Variants in CYTH4 observed in about 807,000 individuals in gnomAD.
CYTH4 encodes cytohesin 4.
In CYTH4, 22 loss-of-function variants were observed where a neutral mutation model predicts 57.5. The ratio of observed to expected loss-of-function variants is 0.38; its 90% confidence interval spans 0.27 to 0.55. The LOEUF (loss-of-function observed/expected upper bound fraction) is 0.55, where lower values mean the gene tolerates loss of function less well. Ranked by LOEUF, CYTH4 falls within the 20% of genes least tolerant of loss-of-function variation. The pLI, the probability that CYTH4 is intolerant of heterozygous loss-of-function variation, is 0.74. For missense variants in CYTH4, 420 were observed against 535.6 expected (o/e 0.78, Z 2.13); for synonymous variants, 186 against 206.5 (o/e 0.90, Z 0.85).
rs186828281 is a variant in CYTH4, at chr22:37,308,747, T to C, written c.697-465T>C. Reference sequence around the variant, plus strand: ...GTGTATGTATGAGTATGCATGCATGTGTGTGCATGTATGTGTGAGCGTGCC... The same window carrying C: ...GTGTATGTATGAGTATGCATGCATGCGTGTGCATGTATGTGTGAGCGTGCC... On this transcript the variant is annotated intron_variant, in intron 8 of 12. Coordinates refer to ENST00000248901, the MANE Select transcript of CYTH4 (RefSeq NM_013385.5). 5.4e-3 allele frequency among the ~76,000 whole-genome samples: 819 copies of C among 151,852 alleles called. 6 individuals carry two copies. The highest frequency in any genetic ancestry group is 0.019 in the African/African-American group (768 of 41,336).
chr22:37,289,809 T>C (rs769991376), intron 1 of CYTH4, among the ~76,000 whole-genome samples: 19 of 152,228 alleles, frequency 1.2e-4, no homozygotes, highest in Non-Finnish European at 2.9e-5. Flanking sequence ...CAGGAACTGT[T>C]TTCTGCATAG....
At chr22:37,288,152 C>T (rs1398971257) in intron 1 of CYTH4, among the ~76,000 whole-genome samples, 4 of 152,244 alleles carry the variant, frequency 2.6e-5, no homozygotes, top group East Asian at 3.9e-4. Context: ...CGGTGGCTCA[C>T]GCCTGTAATC....
At chr22:37,284,086 G>A (rs4821626) in intron 1 of CYTH4, among the ~76,000 whole-genome samples, 49,106 of 152,062 alleles carry the variant, frequency 0.32, 8,869 homozygotes, top group African/African-American at 0.49. Flanking sequence ...GAGCAGGGAC[G>A]AGAACCTGCG....
intron 3 of CYTH4, among the ~76,000 whole-genome samples, chr22:37,294,971 C>T (rs547393139): frequency 1.3e-5 from 2 of 151,056 alleles, no homozygotes; most frequent in African/African-American, 4.9e-5. Flanking sequence ...AACCCAAAGT[C>T]TCTCCTGACC....
chr22:37,290,538 C>T (rs1928713598), intron 1 of CYTH4, among the ~76,000 whole-genome samples: 1 of 152,088 alleles, frequency 6.6e-6, no homozygotes, highest in African/African-American at 2.4e-5. Context: ...CAGAGTCTCA[C>T]TCTGTTGCCC....
chr22:37,296,325 C>A, intron 4 of CYTH4: 1 of 503,258 alleles, frequency 2.0e-6, no homozygotes, highest in Non-Finnish European at 3.6e-6. Flanking sequence ...GGCCTAGTCC[C>A]TTCCCCACTC....
chr22:37,311,743 C>T lies in CYTH4; in HGVS notation c.957+216C>T. The T allele has an allele frequency of 3.1e-6, 2 of 651,980 alleles. No homozygotes were observed. Among genetic ancestry groups the T allele is most frequent in the South Asian group, 1.9e-5 (1 of 52,678 alleles). 40.4% of individuals were successfully genotyped at this position (651,980 alleles called of 1,614,324 possible). A position where few individuals can be genotyped will look rare whatever the true frequency, so the allele number is the denominator to read the frequency against. ...AAGGACGTGGTTGTCCCCTGTTGTC[C>T]CACACAGCCCGACTGGCTGGATGGC... On this transcript the variant is annotated intron_variant, in intron 11 of 12. Transcript: ENST00000248901. The surrounding 1 kb of genome is among the most constrained non-coding windows in gnomAD (Gnocchi z 4.4).
intron 5 of CYTH4, 128 bp from the exon 6 acceptor site, chr22:37,299,098 G>A (rs1371674175): frequency 2.9e-6 from 2 of 696,346 alleles, no homozygotes; most frequent in Non-Finnish European, 5.3e-6. Flanking sequence ...GAACACACCA[G>A]ATGGCAGCTG....
chr22:37,290,765 C>T (rs543054851), intron 1 of CYTH4, among the ~76,000 whole-genome samples: 22 of 152,336 alleles, frequency 1.4e-4, no homozygotes, highest in African/African-American at 4.8e-4. Context: ...GCCTCGGCCT[C>T]CCAAAGTGCT....
intron 4 of CYTH4, among the ~76,000 whole-genome samples, chr22:37,296,854 G>A (rs975291577): frequency 6.6e-6 from 1 of 152,164 alleles, no homozygotes; most frequent in Admixed American, 6.5e-5. Context: ...GGCCCTCATG[G>A]CCTGTGCCCA....
intron 6 of CYTH4, chr22:37,299,969 C>A (rs564450566): frequency 1.1e-4 from 74 of 693,576 alleles, no homozygotes; most frequent in Non-Finnish European, 1.6e-4. Context: ...CCAGCCTGGG[C>A]AACAGAGTGA....
intron 8 of CYTH4, among the ~76,000 whole-genome samples, chr22:37,307,309 T>C (rs1451489846): frequency 6.6e-6 from 1 of 152,216 alleles, no homozygotes; most frequent in Non-Finnish European, 1.5e-5. Flanking sequence ...GTGGGTTTTG[T>C]GGCAGTGAAG....
At chr22:37,292,236 C>T (rs146861186) in intron 1 of CYTH4, 21 of 184,514 alleles carry the variant, frequency 1.1e-4, no homozygotes, top group African/African-American at 3.7e-4. Flanking sequence ...GGAAGGAATG[C>T]GTGCCTTCAG....
chr22:37,287,227 G>C (rs1023656084), intron 1 of CYTH4, among the ~76,000 whole-genome samples: 2 of 152,148 alleles, frequency 1.3e-5, no homozygotes, highest in Non-Finnish European at 2.9e-5. Context: ...CCTGAAGGCA[G>C]GTGGGAGCCA....
chr22:37,313,524 T>C lies in CYTH4; in HGVS notation c.*13T>C. On this transcript the variant is annotated 3_prime_UTR_variant, in exon 13 of 13. Transcript: ENST00000248901. Reference sequence around the variant, plus strand: ...CAGCAAGCAGTGAGATTCCTGGAGGTGGCACTGGGGGCTGGTCACCCTGAG... The same window carrying C: ...CAGCAAGCAGTGAGATTCCTGGAGGCGGCACTGGGGGCTGGTCACCCTGAG... 1 of 1,613,886 alleles carries C rather than the reference T, an allele frequency of 6.2e-7. No homozygotes were observed. The highest frequency in any genetic ancestry group is 8.5e-7 in the Non-Finnish European group (1 of 1,179,792).
intron 1 of CYTH4, among the ~76,000 whole-genome samples, chr22:37,289,855 G>A (rs5756596): frequency 0.58 from 87,979 of 151,996 alleles, 25,806 homozygotes; most frequent in South Asian, 0.77. Context: ...CAGCTGGAAG[G>A]AGCAGGCCAT....
chr22:37,287,270 G>T (rs1190937539), intron 1 of CYTH4, among the ~76,000 whole-genome samples: 4 of 152,056 alleles, frequency 2.6e-5, no homozygotes, highest in African/African-American at 4.8e-5. Context: ...GACCAGGAAG[G>T]TCGGCCTAGG....
At position 37,290,031 on chromosome 22, in the gene CYTH4, C is replaced by T. The variant is rs540870798; in HGVS notation, c.20-2590C>T. On this transcript the variant is annotated intron_variant, in intron 1 of 12. Coordinates refer to ENST00000248901, the MANE Select transcript of CYTH4 (RefSeq NM_013385.5). Reference sequence around the variant, plus strand: ...GTCAGCTTCATAAATTTCCAAATAGCTATTCCCACTACAATGATCCTGACC... The same window carrying T: ...GTCAGCTTCATAAATTTCCAAATAGTTATTCCCACTACAATGATCCTGACC... Among the ~76,000 whole-genome samples the T allele has an allele frequency of 8.5e-5, 13 of 152,270 alleles. No individual in the cohort carries two copies. In the East Asian group the frequency reaches 2.5e-3, roughly 29 times the overall value.
chr22:37,311,183 C>T lies in CYTH4; in HGVS notation c.885+119C>T. 1.7e-6 allele frequency: 2 copies of T among 1,146,728 alleles called. No homozygotes were observed. The highest frequency in any genetic ancestry group is 2.6e-6 in the Non-Finnish European group (2 of 776,094). The allele number at this position is 1,146,728 out of a possible 1,614,324, so 71.0% of individuals were successfully genotyped here. ...TGGATCCTTTGAGATCATTCAGTCCCCCTCCATGCCCATTTTACAGATGGG... is the reference window on the plus strand; with the variant it reads ...TGGATCCTTTGAGATCATTCAGTCCTCCTCCATGCCCATTTTACAGATGGG... On this transcript the variant is annotated intron_variant, in intron 10 of 12. Coordinates refer to ENST00000248901, the MANE Select transcript of CYTH4 (RefSeq NM_013385.5). The surrounding 1 kb of genome is among the most constrained non-coding windows in gnomAD (Gnocchi z 4.4).
Sources: allele counts gnomAD v4.1 joint callset (sites outside exome capture counted in the v4.1 genomes callset), GRCh38; gene constraint gnomAD v4.1.1; non-coding constraint Gnocchi (gnomAD v3.1); transcripts MANE v1.5; gene names NCBI Gene and HGNC (gene_info 2026-07-23, HGNC 2026-07-21).